PTPRJ: variants seen among roughly 807,000 people sequenced by gnomAD.
PTPRJ encodes protein tyrosine phosphatase receptor type J, also known as receptor-type tyrosine-protein phosphatase eta.
PTPRJ carries 129 observed loss-of-function variants against 141.3 expected under a neutral mutation model. The observed-to-expected ratio is 0.91, with a 90% CI of 0.79 to 1.06. The LOEUF (loss-of-function observed/expected upper bound fraction) is 1.06. Ranked by LOEUF, PTPRJ falls within the 50% of genes least tolerant of loss-of-function variation. PTPRJ has a pLI of 0.00. For synonymous variants in PTPRJ, 610 were observed against 640.5 expected (o/e 0.95, Z 0.72); for missense variants, 1,601 against 1,679.7 (o/e 0.95, Z 0.82).
chr11:48,155,779 C>T, intron 19 of PTPRJ, 22 bp from the exon 20 acceptor site: 1 of 1,548,796 alleles, frequency 6.5e-7, no homozygotes, highest in South Asian at 1.2e-5. Context: ...TAATGGGGAC[C>T]TTTTTTCTTT....
intron 1 of PTPRJ, among the ~76,000 whole-genome samples, chr11:48,084,269 G>A (rs866957887): frequency 3.3e-5 from 5 of 152,120 alleles, no homozygotes; most frequent in East Asian, 1.9e-4. Context: ...CTCTGCCTCC[G>A]GGTTCAAGCG....
chr11:47,992,938 A>G (rs1037853091), intron 1 of PTPRJ, among the ~76,000 whole-genome samples: 5 of 152,198 alleles, frequency 3.3e-5, no homozygotes, highest in African/African-American at 1.2e-4. Flanking sequence ...ACTGGAAGTC[A>G]CTGTTCCAGG....
Position 48,121,182 on chromosome 11 carries a change from C to G in PTPRJ, c.532C>G (p.Pro178Ala). ...ATGGTGTAACATCACAGGCTTACGT[C>G]CAGCGACTTCATATGTATTCTCCAT... ...QPWCNITGLRPATSYVFSITP... is the reference protein window; with the variant it reads ...QPWCNITGLRAATSYVFSITP... Residue 178 changes from proline to alanine, a missense_variant, in exon 4 of 25, where the codon CCA becomes GCA. Pro to Ala is a conservative substitution (Grantham distance 27). Coordinates refer to ENST00000418331, the MANE Select transcript of PTPRJ (RefSeq NM_002843.4). The G allele has an allele frequency of 1.9e-6, 3 of 1,614,064 alleles. No individual in the cohort carries two copies. The highest frequency in any genetic ancestry group is 2.5e-6 in the Non-Finnish European group (3 of 1,179,962).
At chr11:48,128,264 G>A (rs1280035322) in intron 7 of PTPRJ, among the ~76,000 whole-genome samples, 1 of 152,182 alleles carries the variant, frequency 6.6e-6, no homozygotes, top group Non-Finnish European at 1.5e-5. Context: ...GGCTGAGAGA[G>A]GTGCTAGACA....
At chr11:47,999,527 C>G (rs1854433817) in intron 1 of PTPRJ, among the ~76,000 whole-genome samples, 1 of 152,228 alleles carries the variant, frequency 6.6e-6, no homozygotes, top group African/African-American at 2.4e-5. Flanking sequence ...TAAGTGGGCT[C>G]TTCTCAACTG....
intron 8 of PTPRJ, among the ~76,000 whole-genome samples, chr11:48,133,488 G>T (rs190492041): frequency 4.8e-4 from 73 of 152,142 alleles, no homozygotes; most frequent in Non-Finnish European, 7.5e-4. Context: ...TCTTAGGGGG[G>T]TTACCTTTCT....
chr11:47,984,387 G>T (rs1329612164), intron 1 of PTPRJ, among the ~76,000 whole-genome samples: 1 of 152,164 alleles, frequency 6.6e-6, no homozygotes, highest in Non-Finnish European at 1.5e-5. Flanking sequence ...TATTTTGAGT[G>T]CAGGATAAGA....
intron 1 of PTPRJ, among the ~76,000 whole-genome samples, chr11:48,043,875 A>G (rs559394099): frequency 1.3e-5 from 2 of 152,352 alleles, no homozygotes; most frequent in African/African-American, 4.8e-5. Flanking sequence ...AAAGGGAGCC[A>G]GCAGCCAGCG....
chr11:48,078,672 G>A (rs1855477007), intron 1 of PTPRJ, among the ~76,000 whole-genome samples: 2 of 152,094 alleles, frequency 1.3e-5, no homozygotes, highest in African/African-American at 2.4e-5. Flanking sequence ...CTTGCCATCT[G>A]CTTCTGTATA....
At chr11:48,008,019 A>G (rs1854671856) in intron 1 of PTPRJ, among the ~76,000 whole-genome samples, 1 of 152,164 alleles carries the variant, frequency 6.6e-6, no homozygotes, top group Non-Finnish European at 1.5e-5. Context: ...GTGAGCACAC[A>G]GGGTATTCAG....
intron 1 of PTPRJ, among the ~76,000 whole-genome samples, chr11:48,016,804 A>T (rs1854959992): frequency 6.6e-6 from 1 of 152,178 alleles, no homozygotes; most frequent in African/African-American, 2.4e-5. Context: ...AATAGTGAAC[A>T]TTTAAGGAAC....
intron 1 of PTPRJ, among the ~76,000 whole-genome samples, chr11:48,047,500 T>G (rs1038413258): frequency 3.5e-5 from 1 of 28,736 alleles, no homozygotes; most frequent in Non-Finnish European, 1.6e-4. Context: ...CTATGGTAAT[T>G]TTTTTTTTTT....
chr11:48,039,792 C>CT lies in PTPRJ; in HGVS notation c.96+58797dup, dbSNP rs111537902. On this transcript the variant is annotated intron_variant, in intron 1 of 24. Transcript: ENST00000418331. Reference sequence around the variant, plus strand: ...CCCCCCAGTCTCCCTTTTGCCCTTTCTTTTTTTTTTTTTGAGACAGAGTTT... The same window carrying CT: ...CCCCCCAGTCTCCCTTTTGCCCTTTCTTTTTTTTTTTTTTGAGACAGAGTTT... 1.5e-3 allele frequency among the ~76,000 whole-genome samples: 217 copies of CT among 143,124 alleles called. 1 individual carries two copies. Among genetic ancestry groups the CT allele is most frequent in the South Asian group, 2.3e-3 (10 of 4,438 alleles). 93.9% of individuals were successfully genotyped at this position (143,124 alleles called of 152,430 possible).
intron 1 of PTPRJ, among the ~76,000 whole-genome samples, chr11:48,016,759 G>T (rs1854959102): frequency 6.6e-6 from 1 of 152,136 alleles, no homozygotes; most frequent in Non-Finnish European, 1.5e-5. Flanking sequence ...TGTCTGCATT[G>T]TGCTAATGAT....
intron 1 of PTPRJ, among the ~76,000 whole-genome samples, chr11:48,089,870 C>G (rs911551698): frequency 3.9e-5 from 6 of 152,230 alleles, no homozygotes; most frequent in Admixed American, 3.9e-4. Context: ...GCTAGAGCCT[C>G]GAGCCAGCCA....
chr11:48,012,021 T>C (rs1163392428), intron 1 of PTPRJ, among the ~76,000 whole-genome samples: 2 of 152,132 alleles, frequency 1.3e-5, no homozygotes, highest in African/African-American at 4.8e-5. Flanking sequence ...TTAGATCTGC[T>C]CTGTTGAAGT....
chr11:48,062,185 TACCA>T (rs1005223571), intron 1 of PTPRJ, among the ~76,000 whole-genome samples: 29 of 150,424 alleles, frequency 1.9e-4, no homozygotes, highest in Admixed American at 1.7e-3. Context: ...AGGCATGAAC[TACCA>T]TGCCCGGCCA....
intron 14 of PTPRJ, 131 bp downstream of exon 14, chr11:48,145,255 A>T: frequency 2.3e-6 from 3 of 1,295,310 alleles, no homozygotes; most frequent in Non-Finnish European, 3.2e-6. Flanking sequence ...CCCCTCCCAG[A>T]GGTTGAGATG....
chr11:48,014,049 G>T (rs1854885405), intron 1 of PTPRJ, among the ~76,000 whole-genome samples: 1 of 152,194 alleles, frequency 6.6e-6, no homozygotes, highest in Non-Finnish European at 1.5e-5. Flanking sequence ...TTAGAAACAT[G>T]ATGTGTTCCA....
Sources: allele counts gnomAD v4.1 joint callset (sites outside exome capture counted in the v4.1 genomes callset), GRCh38; gene constraint gnomAD v4.1.1; transcripts MANE v1.5; gene names NCBI Gene and HGNC (gene_info 2026-07-23, HGNC 2026-07-21).